Variants in BASP1 observed in about 807,000 individuals in gnomAD.
BASP1 encodes the protein brain abundant membrane attached signal protein 1.
In BASP1, 1 loss-of-function variant was observed where a neutral mutation model predicts 2.2. That is an observed-to-expected ratio of 0.46 (90% confidence interval 0.16 to 2.17). The LOEUF (loss-of-function observed/expected upper bound fraction) is 2.17, where lower values mean the gene tolerates loss of function less well. Ranked by LOEUF, BASP1 falls within the 30% of genes most tolerant of loss-of-function variation. BASP1 has a pLI of 0.27. For synonymous variants in BASP1, 187 were observed against 154.2 expected (o/e 1.21, Z -1.58); for missense variants, 352 against 327.2 (o/e 1.08, Z -0.58).
chr5:17,234,140 CAAACAAACA>C (rs888483726), intron 1 of BASP1, among the ~76,000 whole-genome samples: 8 of 151,930 alleles, frequency 5.3e-5, no homozygotes, highest in African/African-American at 1.9e-4. Context: ...CAAAAACAAA[CAAACAAACA>C]AAACAAACAA....
rs181953955 is a variant in BASP1, at chr5:17,242,862, G to A, written c.-10+25052G>A. 9.5e-3 allele frequency among the ~76,000 whole-genome samples: 1,446 copies of A among 151,542 alleles called. 24 individuals carry two copies. Among genetic ancestry groups the A allele is most frequent in the African/African-American group, 0.033 (1,367 of 41,326 alleles). ...TCAACTCAGTTTAAAAAAAAAAAAAGGTAATCGTAAGCATTTTTTTTTCCT... is the reference window on the plus strand; with the variant it reads ...TCAACTCAGTTTAAAAAAAAAAAAAAGTAATCGTAAGCATTTTTTTTTCCT... On this transcript the variant is annotated intron_variant, in intron 1 of 1. Transcript: ENST00000322611.
At chr5:17,225,576 G>A (rs979145413) in intron 1 of BASP1, among the ~76,000 whole-genome samples, 2 of 152,188 alleles carry the variant, frequency 1.3e-5, no homozygotes, top group Non-Finnish European at 2.9e-5. Flanking sequence ...ATGCACAGTG[G>A]TTGGGGGCTG....
At chr5:17,237,348 C>T (rs1447136708) in intron 1 of BASP1, among the ~76,000 whole-genome samples, 1 of 151,522 alleles carries the variant, frequency 6.6e-6, no homozygotes, top group Non-Finnish European at 1.5e-5. Flanking sequence ...CGTCTCAAAA[C>T]AAAACAAAAC....
In BASP1 at chr5:17,225,998, CTG is replaced by C. The variant is rs1001186160; in HGVS notation, c.-10+8193_-10+8194del. Among the ~76,000 whole-genome samples, 6 of 152,274 alleles carry C rather than the reference CTG, an allele frequency of 3.9e-5. No individual in the cohort carries two copies. The South Asian group carries it at 6.2e-4, about 16-fold the overall frequency. Reference sequence around the variant, plus strand: ...TGAAACTGATGTTGGTAAATGTAAACTGTGTGCATTTGTGTTTGGATAATCTG... The same window carrying C: ...TGAAACTGATGTTGGTAAATGTAAACTGTGCATTTGTGTTTGGATAATCTG... On this transcript the variant is annotated intron_variant, in intron 1 of 1. Transcript: ENST00000322611.
rs566626960 is a variant in BASP1 at position 17,236,309 on chromosome 5, G to A, written c.-10+18499G>A. 4.6e-5 allele frequency among the ~76,000 whole-genome samples: 7 copies of A among 152,294 alleles called. No individual in the cohort carries two copies. The highest frequency in any genetic ancestry group is 1.9e-4 in the East Asian group (1 of 5,180). ...ATGGAGTTTCACTCTTGTTGCCCAG[G>A]CTGGAGTGTAATGGCGTGATCTCGG... is the stretch of plus-strand genomic sequence containing the variant. On this transcript the variant is annotated intron_variant, in intron 1 of 1. Coordinates refer to ENST00000322611, the MANE Select transcript of BASP1 (RefSeq NM_006317.5). The surrounding 1 kb of genome is among the most constrained non-coding windows in gnomAD (Gnocchi z 4.0).
In BASP1 at chr5:17,249,677, TA is replaced by T. The variant is rs1477702229; in HGVS notation, c.-9-25530del. On this transcript the variant is annotated intron_variant, in intron 1 of 1. Coordinates refer to ENST00000322611, the MANE Select transcript of BASP1 (RefSeq NM_006317.5). ...GATTTTAATGTGACCACAACCTTTT[TA>T]CCTTTTTTAAACTTCAATTTAGACT... Among the ~76,000 whole-genome samples the T allele has an allele frequency of 7.9e-5, 12 of 152,198 alleles. No homozygotes were observed. In the East Asian group the frequency reaches 2.3e-3, roughly 29 times the overall value.
chr5:17,234,708 A>G (rs746930608), intron 1 of BASP1, among the ~76,000 whole-genome samples: 1 of 152,232 alleles, frequency 6.6e-6, no homozygotes, highest in Non-Finnish European at 1.5e-5. Context: ...GAAGGCAAAC[A>G]AGGAAATCAG....
At chr5:17,220,695 A>G (rs1739378484) in intron 1 of BASP1, among the ~76,000 whole-genome samples, 3 of 152,162 alleles carry the variant, frequency 2.0e-5, no homozygotes, top group African/African-American at 4.8e-5. Context: ...TAAAGGTCCA[A>G]TGGGAGAGCC....
chr5:17,232,412 A>G (rs978712507), intron 1 of BASP1, among the ~76,000 whole-genome samples: 1 of 152,344 alleles, frequency 6.6e-6, no homozygotes, highest in East Asian at 1.9e-4. Context: ...ATCTTTACAC[A>G]TTAGTCAATT....
chr5:17,265,267 A>AT (rs1740395919), intron 1 of BASP1, among the ~76,000 whole-genome samples: 1 of 152,178 alleles, frequency 6.6e-6, no homozygotes, highest in African/African-American at 2.4e-5. Flanking sequence ...GGGCAATGGT[A>AT]TATTGGGGGG....
chr5:17,233,639 G>A (rs1739680398), intron 1 of BASP1, among the ~76,000 whole-genome samples: 1 of 152,170 alleles, frequency 6.6e-6, no homozygotes, highest in Non-Finnish European at 1.5e-5. Context: ...TCATCTTGTG[G>A]GTTGTGTACT....
At chr5:17,220,914 T>C (rs554872767) in intron 1 of BASP1, among the ~76,000 whole-genome samples, 9 of 152,310 alleles carry the variant, frequency 5.9e-5, no homozygotes, top group African/African-American at 2.2e-4. Context: ...TGGAGGAGAT[T>C]TGATCACTCT....
intron 1 of BASP1, among the ~76,000 whole-genome samples, chr5:17,239,203 C>G (rs1739808981): frequency 6.6e-6 from 1 of 152,048 alleles, no homozygotes. Context: ...AAGTGATTCT[C>G]CTGCCTCAGC....
At chr5:17,233,518 G>A (rs1041111743) in intron 1 of BASP1, among the ~76,000 whole-genome samples, 3 of 152,150 alleles carry the variant, frequency 2.0e-5, no homozygotes, top group Non-Finnish European at 4.4e-5. Flanking sequence ...AGTAGAATGG[G>A]AAGGGCAGTT....
intron 1 of BASP1, among the ~76,000 whole-genome samples, chr5:17,237,146 C>A (rs1039025326): frequency 7.2e-5 from 11 of 152,178 alleles, no homozygotes; most frequent in African/African-American, 2.4e-4. Flanking sequence ...GAGATCCAGA[C>A]CATCCTGGCT....
chr5:17,217,403 G>A (rs570535439), upstream of BASP1, among the ~76,000 whole-genome samples: 51 of 10,934 alleles, frequency 4.7e-3, no homozygotes, highest in African/African-American at 0.042. Context: ...GGTCTGCGCC[G>A]GAGGAGGGGA....
Position 17,225,232 on chromosome 5 carries a change from CT to C in BASP1, c.-10+7430del, listed in dbSNP as rs550135706. ...CTTACTCACTGTCTGCAACGTAAAA[CT>C]TTTTTTTCTACCATTTTTTTTTGTA... On this transcript the variant is annotated intron_variant, in intron 1 of 1. Transcript: ENST00000322611. 2.5e-3 allele frequency among the ~76,000 whole-genome samples: 386 copies of C among 151,456 alleles called. 3 individuals carry two copies. Among genetic ancestry groups the C allele is most frequent in the African/African-American group, 9.1e-3 (373 of 41,168 alleles).
chr5:17,244,865 A>T (rs1432472396), intron 1 of BASP1, among the ~76,000 whole-genome samples: 1 of 150,814 alleles, frequency 6.6e-6, no homozygotes, highest in Admixed American at 6.6e-5. Flanking sequence ...CTAATTTTGT[A>T]GTTTTAGTAG....
chr5:17,230,194 A>G (rs1055105311), intron 1 of BASP1, among the ~76,000 whole-genome samples: 7 of 152,180 alleles, frequency 4.6e-5, no homozygotes, highest in South Asian at 2.1e-4. Flanking sequence ...TTAAAATCCT[A>G]TTCTAGCATC....
Sources: gnomAD v4.1 joint callset for allele counts (sites outside exome capture counted in the v4.1 genomes callset) on GRCh38, gnomAD v4.1.1 for gene constraint, Gnocchi (gnomAD v3.1) non-coding constraint, MANE v1.5 for transcripts, NCBI Gene and HGNC (gene_info 2026-07-23, HGNC 2026-07-21) for gene names.